Variants in DHRSX observed in about 807,000 individuals in gnomAD.
DHRSX encodes polyprenol dehydrogenase.
DHRSX carries 31 observed loss-of-function variants against 34.0 expected under a neutral mutation model. The observed-to-expected ratio is 0.91, with a 90% CI of 0.69 to 1.23. The LOEUF is 1.23. Among genes scored for constraint, DHRSX ranks in the 50% most tolerant of loss-of-function variants. DHRSX has a pLI of 0.00. For missense variants in DHRSX, 414 were observed against 428.1 expected (o/e 0.97, Z 0.29); for synonymous variants, 201 against 183.8 (o/e 1.09, Z -0.76).
At position 2,388,099 on chromosome X, in the gene DHRSX, C is replaced by T. The variant is rs762056703; in HGVS notation, c.286+20646G>A. Reference sequence around the variant, plus strand: ...GAGGGGACAATGAGGGCAGAGAAAACAGGAGAAGGGAGTGGTATGGGTTTG... The same window carrying T: ...GAGGGGACAATGAGGGCAGAGAAAATAGGAGAAGGGAGTGGTATGGGTTTG... On this transcript the variant is annotated intron_variant, in intron 3 of 6. Coordinates refer to ENST00000334651, the MANE Select transcript of DHRSX (RefSeq NM_145177.3). Among the ~76,000 whole-genome samples, 8 of 152,032 alleles carry T rather than the reference C, an allele frequency of 5.3e-5. No homozygotes were observed. The South Asian group carries it at 1.7e-3, about 32-fold the overall frequency.
At chrX:2,239,135 C>T (rs2016082604) in intron 6 of DHRSX, among the ~76,000 whole-genome samples, 1 of 152,076 alleles carries the variant, frequency 6.6e-6, no homozygotes, top group East Asian at 1.9e-4. Context: ...TCGAGCAATG[C>T]CCCGTGGTTA....
intron 3 of DHRSX, among the ~76,000 whole-genome samples, chrX:2,344,163 G>C (rs1374770259): frequency 1.3e-5 from 2 of 152,198 alleles, no homozygotes; most frequent in South Asian, 2.1e-4. Context: ...CAGCAGGAAA[G>C]ACAGAAAAGG....
intron 3 of DHRSX, among the ~76,000 whole-genome samples, chrX:2,322,408 G>C (rs766003858): frequency 6.6e-6 from 1 of 151,952 alleles, no homozygotes; most frequent in Non-Finnish European, 1.5e-5. Context: ...AATTAGCTGG[G>C]CGTGGTGGCG....
At chrX:2,364,068 TCTC>T (rs1360863076) in intron 3 of DHRSX, among the ~76,000 whole-genome samples, 6 of 151,868 alleles carry the variant, frequency 4.0e-5, no homozygotes. Flanking sequence ...ATGTCTAAGC[TCTC>T]CTCAAGATGC....
chrX:2,310,654 G>A (rs747532226), intron 3 of DHRSX, among the ~76,000 whole-genome samples: 2 of 151,512 alleles, frequency 1.3e-5, no homozygotes, highest in East Asian at 3.9e-4. Flanking sequence ...AGAAAGAGAG[G>A]GTGAGAATGG....
At chrX:2,301,107 C>T (rs759157674) in intron 3 of DHRSX, among the ~76,000 whole-genome samples, 12 of 152,280 alleles carry the variant, frequency 7.9e-5, no homozygotes, top group South Asian at 2.1e-4. Flanking sequence ...TCTAAGTTCT[C>T]GTGCTAGTAA....
At chrX:2,293,933 C>T (rs1236679947) in intron 3 of DHRSX, among the ~76,000 whole-genome samples, 2 of 151,938 alleles carry the variant, frequency 1.3e-5, no homozygotes, top group African/African-American at 4.8e-5. Flanking sequence ...CCTTACTCTC[C>T]AAAACTATTA....
At chrX:2,387,860 GA>G (rs34709179) in intron 3 of DHRSX, among the ~76,000 whole-genome samples, 123 of 49,640 alleles carry the variant, frequency 2.5e-3, no homozygotes, top group East Asian at 8.1e-3. Flanking sequence ...ACAGCAGGCG[GA>G]AAAAAAAAAA....
chrX:2,321,992 A>G (rs867475250), intron 3 of DHRSX, among the ~76,000 whole-genome samples: 4 of 152,190 alleles, frequency 2.6e-5, no homozygotes, highest in Middle Eastern at 3.4e-3. Flanking sequence ...TTATCTTTCC[A>G]TAAGTGATTG....
intron 1 of DHRSX, among the ~76,000 whole-genome samples, chrX:2,478,990 G>A (rs1358336227): frequency 6.6e-6 from 1 of 151,496 alleles, no homozygotes; most frequent in Non-Finnish European, 1.5e-5. Context: ...TAGGCATGGG[G>A]CCAAGGGATG....
intron 5 of DHRSX, among the ~76,000 whole-genome samples, chrX:2,243,989 T>C (rs2016219439): frequency 6.6e-6 from 1 of 151,630 alleles, no homozygotes; most frequent in African/African-American, 2.4e-5. Context: ...CAGGCTGGTC[T>C]TGAACTCCTG....
intron 6 of DHRSX, among the ~76,000 whole-genome samples, chrX:2,242,796 C>T (rs947148943): frequency 3.3e-5 from 5 of 151,956 alleles, no homozygotes; most frequent in African/African-American, 9.7e-5. Flanking sequence ...AAGAAATCAC[C>T]GTAAAAATGG....
chrX:2,475,079 T>C (rs35805188), intron 1 of DHRSX, among the ~76,000 whole-genome samples: 24,157 of 138,570 alleles, frequency 0.17, 3,253 homozygotes, highest in African/African-American at 0.35. Context: ...GAGGGACTGC[T>C]ACCATGTGCA....
At chrX:2,307,091 A>G (rs934925737) in intron 3 of DHRSX, among the ~76,000 whole-genome samples, 2 of 152,126 alleles carry the variant, frequency 1.3e-5, no homozygotes, top group Non-Finnish European at 2.9e-5. Flanking sequence ...GATGAAGAAA[A>G]TGTAGTTGCT....
In DHRSX at chrX:2,312,046, C is replaced by T. The variant is rs868655043; in HGVS notation, c.287-20443G>A. ...CAACGGCATCAAAATCCCCACGCCA[C>T]CACCCATGCTGCAAGCACTGTAAGC... On this transcript the variant is annotated intron_variant, in intron 3 of 6. Transcript: ENST00000334651. Among the ~76,000 whole-genome samples the T allele has an allele frequency of 8.5e-5, 13 of 152,226 alleles. No homozygotes were observed. The East Asian group carries it at 9.6e-4, about 11-fold the overall frequency.
At chrX:2,350,313 T>C (rs2042774745) in intron 3 of DHRSX, among the ~76,000 whole-genome samples, 2 of 152,172 alleles carry the variant, frequency 1.3e-5, no homozygotes, top group Admixed American at 1.3e-4. Flanking sequence ...ATCACGCCAC[T>C]GCACTGCAGC....
intron 3 of DHRSX, among the ~76,000 whole-genome samples, chrX:2,339,467 G>T (rs2042613585): frequency 1.3e-5 from 2 of 151,990 alleles, no homozygotes; most frequent in Non-Finnish European, 2.9e-5. Context: ...GGTGATTTGT[G>T]AGATTTTGGT....
At chrX:2,495,101 C>T (rs2045248414) in intron 1 of DHRSX, among the ~76,000 whole-genome samples, 1 of 149,900 alleles carries the variant, frequency 6.7e-6, no homozygotes, top group Non-Finnish European at 1.5e-5. Flanking sequence ...GGAGATGAAG[C>T]AAAGGTTTAT....
At chrX:2,297,588 A>G (rs1482263192) in intron 3 of DHRSX, among the ~76,000 whole-genome samples, 1 of 152,160 alleles carries the variant, frequency 6.6e-6, no homozygotes, top group African/African-American at 2.4e-5. Flanking sequence ...ATTATCCTGT[A>G]TTAGCCTAAA....
Sources: gnomAD v4.1 joint callset for allele counts (sites outside exome capture counted in the v4.1 genomes callset) on GRCh38, gnomAD v4.1.1 for gene constraint, MANE v1.5 for transcripts, NCBI Gene and HGNC (gene_info 2026-07-23, HGNC 2026-07-21) for gene names.